Variants in KCNA2 observed in about 807,000 individuals in gnomAD.
The protein encoded by KCNA2 is potassium voltage-gated channel subfamily A member 2, also known as potassium channel, voltage gated shaker related subfamily A, member 2.
A neutral mutation model predicts 33.4 loss-of-function variants in KCNA2; 11 were observed. The ratio of observed to expected loss-of-function variants is 0.33; its 90% confidence interval spans 0.21 to 0.55. The LOEUF (loss-of-function observed/expected upper bound fraction) is 0.55, where lower values mean the gene tolerates loss of function less well. Among genes scored for constraint, KCNA2 ranks in the 20% least tolerant of loss-of-function variants. The pLI, the probability that KCNA2 is intolerant of heterozygous loss-of-function variation, is 0.93. For missense variants in KCNA2, 291 were observed against 621.6 expected, an observed-to-expected ratio of 0.47 and a Z score of 5.66; for synonymous variants, 222 against 231.3, an observed-to-expected ratio of 0.96 and a Z score of 0.37.
chr1:110,628,124 T>A (rs1237612014), intron 1 of KCNA2, among the ~76,000 whole-genome samples: 1 of 152,206 alleles, frequency 6.6e-6, no homozygotes. Flanking sequence ...TTTTAACTGA[T>A]CACAAGTTGT....
chr1:110,631,147 G>A (rs1557743012), intron 1 of KCNA2, among the ~76,000 whole-genome samples: 2 of 152,192 alleles, frequency 1.3e-5, no homozygotes, highest in Non-Finnish European at 1.5e-5. Flanking sequence ...ACAATCCTTC[G>A]CAGAGTACCT....
At chr1:110,611,518 CAGGA>C (rs771489460) in intron 1 of KCNA2, among the ~76,000 whole-genome samples, 17 of 152,114 alleles carry the variant, frequency 1.1e-4, no homozygotes, top group Non-Finnish European at 2.4e-4. Context: ...TGCTTGAGGC[CAGGA>C]ATTCAATATC....
chr1:110,595,875 C>T lies in KCNA2; in HGVS notation c.*7408G>A. ...GATCTCACAAACCTCAAACCTAGGG[C>T]ACCACCAATGACAAAGAGAATGCTA... On this transcript the variant is annotated 3_prime_UTR_variant, in exon 3 of 3. Transcript: ENST00000316361. 5 of 985,452 alleles carry T rather than the reference C, an allele frequency of 5.1e-6. No homozygotes were observed. The highest frequency in any genetic ancestry group is 1.1e-4 in the East Asian group (1 of 8,822). The allele number at this position is 985,452 out of a possible 1,614,324, so 61.0% of individuals were successfully genotyped here.
chr1:110,611,931 C>T (rs760744947), intron 1 of KCNA2, among the ~76,000 whole-genome samples: 42 of 152,086 alleles, frequency 2.8e-4, no homozygotes, highest in Non-Finnish European at 5.4e-4. Context: ...CTTAGGTAGG[C>T]GGATCAGCTG....
Position 110,596,349 on chromosome 1 carries a change from A to G in KCNA2, c.*6934T>C. 3 of 378,250 alleles carry G rather than the reference A, an allele frequency of 7.9e-6. No individual in the cohort carries two copies. The highest frequency in any genetic ancestry group is 1.1e-5 in the Non-Finnish European group (3 of 276,048). 23.4% of individuals were successfully genotyped at this position (378,250 alleles called of 1,614,324 possible). A position where few individuals can be genotyped will look rare whatever the true frequency, so the allele number is the denominator to read the frequency against. On this transcript the variant is annotated 3_prime_UTR_variant, in exon 3 of 3. Transcript: ENST00000316361. ...ATATACATATACTATATATATATATATACACACATAAATATATGTATATAT... is the reference window on the plus strand; with the variant it reads ...ATATACATATACTATATATATATATGTACACACATAAATATATGTATATAT...
upstream of KCNA2, among the ~76,000 whole-genome samples, chr1:110,610,729 T>C (rs1649834643): frequency 6.6e-6 from 1 of 152,014 alleles, no homozygotes; most frequent in Non-Finnish European, 1.5e-5. Flanking sequence ...TCCCCAGGGG[T>C]CGTCTCTCCT....
chr1:110,601,986 A>C lies in KCNA2; in HGVS notation c.*1297T>G. On this transcript the variant is annotated 3_prime_UTR_variant, in exon 3 of 3. Transcript: ENST00000316361. ...CTAGCTAGGTAGAGGAACGCGTGAA[A>C]GAGAGATACTCGATATATATTTATA... The C allele has an allele frequency of 6.5e-7, 1 of 1,533,066 alleles. No homozygotes were observed. 95.0% of individuals were successfully genotyped at this position (1,533,066 alleles called of 1,614,324 possible). A position where few individuals can be genotyped will look rare whatever the true frequency, so the allele number is the denominator to read the frequency against.
At chr1:110,611,917 G>C (rs1328195193) in intron 1 of KCNA2, among the ~76,000 whole-genome samples, 2 of 152,178 alleles carry the variant, frequency 1.3e-5, no homozygotes, top group Non-Finnish European at 2.9e-5. Context: ...AGCTACTCAG[G>C]AGGCTTAGGT....
intron 1 of KCNA2, among the ~76,000 whole-genome samples, chr1:110,624,793 ATAACT>A (rs557827427): frequency 3.2e-4 from 49 of 152,342 alleles, no homozygotes; most frequent in African/African-American, 9.9e-4. Flanking sequence ...GAAAAATATA[ATAACT>A]TAAACAAGAG....
chr1:110,602,462 C>G lies in KCNA2; in HGVS notation c.*821G>C, dbSNP rs1019722654. On this transcript the variant is annotated 3_prime_UTR_variant, in exon 3 of 3. Transcript: ENST00000316361. ...CTGCAGTGTCAGTGTAGCTGGGCCA[C>G]ATCAGTGGGAAAGCAGATGTCTGCA... The G allele has an allele frequency of 8.1e-7, 1 of 1,238,924 alleles. No individual in the cohort carries two copies. The highest frequency in any genetic ancestry group is 1.0e-6 in the Non-Finnish European group (1 of 987,564). 76.7% of individuals were successfully genotyped at this position (1,238,924 alleles called of 1,614,324 possible). A position where few individuals can be genotyped will look rare whatever the true frequency, so the allele number is the denominator to read the frequency against.
At position 110,602,705 on chromosome 1, in the gene KCNA2, C is replaced by T. The variant is rs375686174; in HGVS notation, c.*578G>A. ...AGAAAAAGCAGAATGCAGCATTTTC[C>T]GTTATGAAACACAAGCCTCCAGAGC... On this transcript the variant is annotated 3_prime_UTR_variant, in exon 3 of 3. Coordinates refer to ENST00000316361, the MANE Select transcript of KCNA2 (RefSeq NM_004974.4). 1.6e-4 allele frequency: 154 copies of T among 992,150 alleles called. 1 individual carries two copies. The South Asian group carries it at 4.3e-3, about 28-fold the overall frequency. 61.5% of individuals were successfully genotyped at this position (992,150 alleles called of 1,614,324 possible).
intron 1 of KCNA2, among the ~76,000 whole-genome samples, chr1:110,612,878 G>T (rs954427736): frequency 6.6e-6 from 1 of 152,230 alleles, no homozygotes; most frequent in African/African-American, 2.4e-5. Context: ...GACAGGTCAG[G>T]TTAAGACTTG....
At chr1:110,622,944 T>G (rs1284870305) in intron 1 of KCNA2, among the ~76,000 whole-genome samples, 2 of 152,202 alleles carry the variant, frequency 1.3e-5, no homozygotes, top group African/African-American at 2.4e-5. Flanking sequence ...AATAAAAATC[T>G]TGGCAGAATT....
intron 1 of KCNA2, among the ~76,000 whole-genome samples, chr1:110,614,667 T>C (rs1021345362): frequency 3.3e-5 from 5 of 152,230 alleles, no homozygotes; most frequent in Non-Finnish European, 2.9e-5. Flanking sequence ...TACTTCTTAT[T>C]CTATGATTCG....
At position 110,598,997 on chromosome 1, in the gene KCNA2, A is replaced by G; in HGVS notation, c.*4286T>C. 1.0e-6 allele frequency: 1 copy of G among 985,448 alleles called. No homozygotes were observed. The highest frequency in any genetic ancestry group is 1.2e-6 in the Non-Finnish European group (1 of 829,934). The allele number at this position is 985,448 out of a possible 1,614,324, so 61.0% of individuals were successfully genotyped here. On this transcript the variant is annotated 3_prime_UTR_variant, in exon 3 of 3. Coordinates refer to ENST00000316361, the MANE Select transcript of KCNA2 (RefSeq NM_004974.4). ...GAGGCACTTGATGAAGCCAACAGGA[A>G]TGGTACCTTGACCTGGAAACACAAG...
Position 110,603,303 on chromosome 1 carries a change from T to G in KCNA2, c.1480A>C (p.Lys494Gln), listed in dbSNP as rs747514112. The G allele has an allele frequency of 6.2e-7, 1 of 1,606,070 alleles. No homozygotes were observed. The highest frequency in any genetic ancestry group is 1.1e-5 in the South Asian group (1 of 89,420). Residue 494 changes from lysine (K) to glutamine (Q), a missense_variant, in exon 3 of 3, where the codon AAA (lysine) becomes CAA (glutamine). This residue lies in a region of KCNA2 where 65 missense variants were observed against 95.1 expected (regional missense o/e 0.68). Transcript: ENST00000316361. The surrounding 1 kb of genome is among the most constrained non-coding windows in gnomAD (Gnocchi z 5.7). ...LANTNYVNITKMLTDV is the reference protein window; with the variant it reads ...LANTNYVNITQMLTDV ...TTCAATCAGACATCAGTTAACATTT[T>G]GGTAATATTCACATAGTTTGTGTTA... is the stretch of plus-strand genomic sequence containing the variant.
Position 110,597,390 on chromosome 1 carries a change from A to G in KCNA2, c.*5893T>C. ...CTGCCAGACTGAGGGAAAGTCAACA[A>G]AATGGGCTGAAAAGGTCACACAAAC... On this transcript the variant is annotated 3_prime_UTR_variant, in exon 3 of 3. Transcript: ENST00000316361. 1.0e-6 allele frequency: 1 copy of G among 985,424 alleles called. No individual in the cohort carries two copies. The allele number at this position is 985,424 out of a possible 1,614,324, so 61.0% of individuals were successfully genotyped here.
chr1:110,601,469 A>C lies in KCNA2; in HGVS notation c.*1814T>G, dbSNP rs1649339169. 1 of 985,586 alleles carries C rather than the reference A, an allele frequency of 1.0e-6. No homozygotes were observed. Among genetic ancestry groups the C allele is most frequent in the Non-Finnish European group, 1.2e-6 (1 of 830,114 alleles). 61.1% of individuals were successfully genotyped at this position (985,586 alleles called of 1,614,324 possible). Reference sequence around the variant, plus strand: ...GGAAGAGGTGAAAATGGAGATGATGAACAGGATGAACTGTAGAGAGGAGGC... The same window carrying C: ...GGAAGAGGTGAAAATGGAGATGATGCACAGGATGAACTGTAGAGAGGAGGC... On this transcript the variant is annotated 3_prime_UTR_variant, in exon 3 of 3. Coordinates refer to ENST00000316361, the MANE Select transcript of KCNA2 (RefSeq NM_004974.4).
At chr1:110,610,915 C>A (rs1450937932), upstream of KCNA2, among the ~76,000 whole-genome samples, 2 of 152,092 alleles carry the variant, frequency 1.3e-5, no homozygotes, top group Non-Finnish European at 2.9e-5. Context: ...TCTGTGCGAC[C>A]CAAGCTCACT....
Sources: gnomAD v4.1 joint callset for allele counts (sites outside exome capture counted in the v4.1 genomes callset) on GRCh38, gnomAD v4.1.1 for gene constraint, gnomAD v4.1.1 regional missense constraint, Gnocchi (gnomAD v3.1) non-coding constraint, MANE v1.5 for transcripts, NCBI Gene and HGNC (gene_info 2026-07-23, HGNC 2026-07-21) for gene names.